DMD: variants seen among roughly 807,000 people sequenced by gnomAD.
DMD encodes mutant dystrophin.
DMD carries 63 observed loss-of-function variants against 330.1 expected under a neutral mutation model. That is an observed-to-expected ratio of 0.19 (90% CI 0.16 to 0.24). The LOEUF (loss-of-function observed/expected upper bound fraction) is 0.24. Ranked by LOEUF, DMD falls within the 10% of genes least tolerant of loss-of-function variation. The pLI is 1.00. For synonymous variants in DMD, 1,223 were observed against 959.8 expected, an observed-to-expected ratio of 1.27 and a Z score of -5.07; for missense variants, 3,344 against 2,684.1, an observed-to-expected ratio of 1.25 and a Z score of -5.43.
intron 52 of DMD, among the ~76,000 whole-genome samples, chrX:31,711,333 A>G (rs1244753691): frequency 1.8e-5 from 2 of 111,810 alleles, no homozygotes; most frequent in Non-Finnish European, 3.8e-5. Flanking sequence ...GTTATTAAGG[A>G]AGAGTCTGTT....
In DMD at chrX:32,585,141, T is replaced by A. The variant is rs185697307; in HGVS notation, c.1602+10616A>T. ...CACATGTGGGAGCTAAAAAATTGGA[T>A]CTCATAGAGCTAGAGATTAGAATGA... On this transcript the variant is annotated intron_variant, in intron 13 of 78. Coordinates refer to ENST00000357033, the MANE Select transcript of DMD (RefSeq NM_004006.3). Among the ~76,000 whole-genome samples, 175 of 110,984 alleles carry A rather than the reference T, an allele frequency of 1.6e-3. 1 individual carries two copies. Among genetic ancestry groups the A allele is most frequent in the African/African-American group, 5.5e-3 (169 of 30,589 alleles).
At chrX:31,304,663 CAATA>C (rs1279997692) in intron 62 of DMD, among the ~76,000 whole-genome samples, 2 of 108,865 alleles carry the variant, frequency 1.8e-5, no homozygotes, top group East Asian at 2.8e-4. Context: ...CAATAGCCCC[CAATA>C]AATATAGTTT....
rs747055774 is a variant in DMD at position 31,929,612 on chromosome X, T to G, written c.6896A>C (p.Asn2299Thr). ...DKLENKLKQTNLQWIKVSRAL... is the reference protein window; with the variant it reads ...DKLENKLKQTTLQWIKVSRAL... ...ATGTCTAACCTTTATCCACTGGAGA[T>G]TTGTCTGCTTGAGCTTATTTTCAAG... The change falls in exon 47 of 79, where the codon AAT (asparagine) becomes ACT (threonine). Residue 2299 changes from asparagine to threonine, a missense_variant. Asn to Thr is a moderately conservative substitution (Grantham distance 65). Transcript: ENST00000357033. The G allele has an allele frequency of 1.6e-5, 19 of 1,209,096 alleles. No homozygotes were observed. The Admixed American group carries it at 4.0e-4, about 25-fold the overall frequency.
intron 44 of DMD, among the ~76,000 whole-genome samples, chrX:32,042,174 CATATATACATACATAT>C: frequency 1.9e-5 from 1 of 51,396 alleles, no homozygotes; most frequent in Non-Finnish European, 3.6e-5. Context: ...CATATGTATA[CATATATACATACATAT>C]ACACACACAC....
intron 1 of DMD, among the ~76,000 whole-genome samples, chrX:33,105,457 AC>A (rs758737881): frequency 1.3e-4 from 15 of 112,391 alleles, no homozygotes; most frequent in African/African-American, 4.5e-4. Context: ...AAGCTTCTGC[AC>A]AGCAAAAGAA....
intron 61 of DMD, among the ~76,000 whole-genome samples, chrX:31,332,572 C>G (rs1000569451): frequency 8.9e-6 from 1 of 111,987 alleles, no homozygotes; most frequent in East Asian, 2.8e-4. Flanking sequence ...CCTCTTTGGT[C>G]TGTGCAGTTG....
intron 49 of DMD, among the ~76,000 whole-genome samples, chrX:31,822,000 ATTACT>A (rs1347520158): frequency 2.7e-5 from 3 of 112,285 alleles, no homozygotes; most frequent in Non-Finnish European, 5.6e-5. Context: ...CAATGAAACC[ATTACT>A]TTATTTATTC....
intron 76 of DMD, among the ~76,000 whole-genome samples, chrX:31,139,001 C>T (rs2035698634): frequency 8.9e-6 from 1 of 112,299 alleles, no homozygotes; most frequent in African/African-American, 3.2e-5. Context: ...GTTCCAGTTG[C>T]ACACTAGAGA....
intron 7 of DMD, among the ~76,000 whole-genome samples, chrX:32,754,635 G>C (rs1361707117): frequency 9.1e-6 from 1 of 110,454 alleles, no homozygotes; most frequent in Non-Finnish European, 1.9e-5. Flanking sequence ...CTTTTCTGAA[G>C]AACAAGCTAT....
intron 43 of DMD, among the ~76,000 whole-genome samples, chrX:32,257,138 A>G (rs1355034557): frequency 1.8e-5 from 2 of 112,032 alleles, no homozygotes; most frequent in East Asian, 2.8e-4. Flanking sequence ...AAGGAGAACT[A>G]CAAACCACTG....
intron 17 of DMD, among the ~76,000 whole-genome samples, chrX:32,539,637 A>G (rs1238603286): frequency 8.9e-6 from 1 of 111,983 alleles, no homozygotes; most frequent in Non-Finnish European, 1.9e-5. Context: ...ATCAATATCT[A>G]AAACAAAAAT....
At chrX:31,268,535 G>A (rs955259711) in intron 62 of DMD, among the ~76,000 whole-genome samples, 1 of 111,392 alleles carries the variant, frequency 9.0e-6, no homozygotes, top group Non-Finnish European at 1.9e-5. Flanking sequence ...CTGCTATTAC[G>A]GTCTGAGGGG....
chrX:32,589,886 G>T, intron 13 of DMD, among the ~76,000 whole-genome samples: 1 of 111,105 alleles, frequency 9.0e-6, no homozygotes. Flanking sequence ...TCCTTCCCCA[G>T]AATTTTCAGC....
In DMD at chrX:31,178,800, T is replaced by C. The variant is rs2148292363; in HGVS notation, c.10092A>G (p.Thr3364=). 1.7e-6 allele frequency: 2 copies of C among 1,210,655 alleles called. No individual in the cohort carries two copies. The highest frequency in any genetic ancestry group is 2.2e-6 in the Non-Finnish European group (2 of 894,513). ...YPMVEYCTPT[T]SGEDVRDFAK... is the part of the protein sequence containing the mutation. ...CAAAGTCTCGAACATCTTCTCCTGATGTAGTCTAAAAGGGAGATCATGGTG... is the reference window on the plus strand; with the variant it reads ...CAAAGTCTCGAACATCTTCTCCTGACGTAGTCTAAAAGGGAGATCATGGTG... Residue 3364 remains threonine, a synonymous_variant, in exon 70 of 79, where the codon ACA becomes ACG. Coordinates refer to ENST00000357033, the MANE Select transcript of DMD (RefSeq NM_004006.3).
At chrX:31,314,843 T>A (rs61292591) in intron 62 of DMD, among the ~76,000 whole-genome samples, 1 of 106,584 alleles carries the variant, frequency 9.4e-6, no homozygotes, top group Non-Finnish European at 1.9e-5. Flanking sequence ...TACCCCCTAC[T>A]CCCCCACCCT....
Position 32,365,185 on chromosome X carries a change from C to A in DMD, c.4860G>T (p.Glu1620Asp). The change falls in exon 35 of 79, where the codon GAG becomes GAT. Residue 1620 changes from glutamate to aspartate, a missense_variant. Coordinates refer to ENST00000357033, the MANE Select transcript of DMD (RefSeq NM_004006.3). Reference sequence around the variant, plus strand: ...TCAGGTGCACCTTCTGTTTCTCAATCTCTTTTTGAGTAGCCTGTGAAAAGG... The same window carrying A: ...TCAGGTGCACCTTCTGTTTCTCAATATCTTTTTGAGTAGCCTGTGAAAAGG... ...EVAWGKATQK[E>D]IEKQKVHLKS... The A allele has an allele frequency of 8.3e-7, 1 of 1,210,694 alleles. No individual in the cohort carries two copies. The highest frequency in any genetic ancestry group is 1.8e-5 in the South Asian group (1 of 56,954).
chrX:31,344,041 G>C (rs766754577), intron 61 of DMD, among the ~76,000 whole-genome samples: 1 of 101,992 alleles, frequency 9.8e-6, no homozygotes, highest in African/African-American at 3.6e-5. Context: ...GGAGTGCGGG[G>C]GGGGGTGGAT....
At chrX:32,970,642 C>A (rs184101162) in intron 2 of DMD, among the ~76,000 whole-genome samples, 2,835 of 91,296 alleles carry the variant, frequency 0.031, 692 homozygotes, top group African/African-American at 0.14. Flanking sequence ...TCAAATAATA[C>A]TGATAATGAT....
intron 2 of DMD, among the ~76,000 whole-genome samples, chrX:32,874,196 T>TC (rs776561594): frequency 8.9e-6 from 1 of 112,296 alleles, no homozygotes; most frequent in South Asian, 3.7e-4. Context: ...GATAAGCTTT[T>TC]CATGTCTTTT....
Sources: allele counts gnomAD v4.1 joint callset (sites outside exome capture counted in the v4.1 genomes callset), GRCh38; gene constraint gnomAD v4.1.1; transcripts MANE v1.5; gene names NCBI Gene and HGNC (gene_info 2026-07-23, HGNC 2026-07-21).